Variants in ST8SIA5 observed in about 807,000 individuals in gnomAD.
ST8SIA5 encodes alpha-2,8-sialyltransferase 8E.
In ST8SIA5, 24 loss-of-function variants were observed where a neutral mutation model predicts 40.2. The ratio of observed to expected loss-of-function variants is 0.60; its 90% confidence interval spans 0.43 to 0.84. The LOEUF (loss-of-function observed/expected upper bound fraction) is 0.84, where lower values mean the gene tolerates loss of function less well. ST8SIA5 is among the 40% of genes least tolerant of loss of function. The pLI, the probability that ST8SIA5 is intolerant of heterozygous loss-of-function variation, is 0.00. For missense variants in ST8SIA5, 465 were observed against 498.5 expected, an observed-to-expected ratio of 0.93 and a Z score of 0.64; for synonymous variants, 198 against 201.8, an observed-to-expected ratio of 0.98 and a Z score of 0.16.
At chr18:46,695,963 C>A (rs1228538536) in intron 2 of ST8SIA5, among the ~76,000 whole-genome samples, 1 of 152,148 alleles carries the variant, frequency 6.6e-6, no homozygotes, top group African/African-American at 2.4e-5. Context: ...ATATATAATG[C>A]CTTGCCAGGA....
At chr18:46,716,977 G>A (rs2039798463) in intron 1 of ST8SIA5, among the ~76,000 whole-genome samples, 1 of 152,220 alleles carries the variant, frequency 6.6e-6, no homozygotes, top group African/African-American at 2.4e-5. Context: ...TGTGGCCATG[G>A]GCCAGGCTGA....
intron 1 of ST8SIA5, among the ~76,000 whole-genome samples, chr18:46,750,170 G>C (rs1390844138): frequency 1.3e-5 from 2 of 152,204 alleles, no homozygotes; most frequent in Non-Finnish European, 1.5e-5. Flanking sequence ...GACACGGGAA[G>C]ACATTCAAGG....
Position 46,694,523 on chromosome 18 carries a change from TG to T in ST8SIA5, c.225-2269del, listed in dbSNP as rs1942688991. Among the ~76,000 whole-genome samples the T allele has an allele frequency of 2.0e-5, 3 of 152,152 alleles. No individual in the cohort carries two copies. In the South Asian group the frequency reaches 6.2e-4, roughly 32 times the overall value. ...GTCCCCACTTTAGGGCCAGGCATTCTGTAGCTGTTTGGGGTCACCTGGCTGT... is the reference window on the plus strand; with the variant it reads ...GTCCCCACTTTAGGGCCAGGCATTCTTAGCTGTTTGGGGTCACCTGGCTGT... On this transcript the variant is annotated intron_variant, in intron 2 of 6. Coordinates refer to ENST00000315087, the MANE Select transcript of ST8SIA5 (RefSeq NM_013305.6).
At chr18:46,724,960 G>A (rs185705146) in intron 1 of ST8SIA5, among the ~76,000 whole-genome samples, 146 of 148,196 alleles carry the variant, frequency 9.9e-4, no homozygotes, top group African/African-American at 3.6e-3. Context: ...GGGTGACAGA[G>A]CAAGACGAAA....
chr18:46,678,426 G>C lies in ST8SIA5; in HGVS notation c.*1616C>G, dbSNP rs2039354758. The C allele has an allele frequency of 6.6e-6, 1 of 152,350 alleles. No individual in the cohort carries two copies. Among genetic ancestry groups the C allele is most frequent in the Non-Finnish European group, 1.5e-5 (1 of 68,176 alleles). 9.4% of individuals were successfully genotyped at this position (152,350 alleles called of 1,614,324 possible). On this transcript the variant is annotated 3_prime_UTR_variant, in exon 7 of 7. Coordinates refer to ENST00000315087, the MANE Select transcript of ST8SIA5 (RefSeq NM_013305.6). Reference sequence around the variant, plus strand: ...CCACGTCCCTGACTGGCTCAGCCGGGGGGCCTGTCAAATGAGGTGATTGGA... The same window carrying C: ...CCACGTCCCTGACTGGCTCAGCCGGCGGGCCTGTCAAATGAGGTGATTGGA...
chr18:46,745,010 A>AG (rs2040125424), intron 1 of ST8SIA5, among the ~76,000 whole-genome samples: 1 of 152,262 alleles, frequency 6.6e-6, no homozygotes, highest in East Asian at 1.9e-4. Context: ...ATGTTCTTTG[A>AG]AACCAATGAG....
chr18:46,685,314 G>T (rs1244256142), intron 5 of ST8SIA5, among the ~76,000 whole-genome samples: 1 of 152,188 alleles, frequency 6.6e-6, no homozygotes, highest in Non-Finnish European at 1.5e-5. Context: ...GAGGGCCAGA[G>T]ATTTCGGTGT....
At position 46,707,314 on chromosome 18, in the gene ST8SIA5, A is replaced by G. The variant is rs574551396; in HGVS notation, c.132-2650T>C. On this transcript the variant is annotated intron_variant, in intron 1 of 6. Transcript: ENST00000315087. ...TTATTGGGGAATTGGGGACTTGCAG[A>G]CACATCTCGGATATGGCTACAAACC... Among the ~76,000 whole-genome samples the G allele has an allele frequency of 7.2e-5, 11 of 152,322 alleles. No homozygotes were observed. The South Asian group carries it at 2.3e-3, about 32-fold the overall frequency.
chr18:46,717,559 C>A (rs1191150273), intron 1 of ST8SIA5, among the ~76,000 whole-genome samples: 1 of 152,122 alleles, frequency 6.6e-6, no homozygotes, highest in Non-Finnish European at 1.5e-5. Context: ...TTATACCTCA[C>A]CCCCACCAAC....
At chr18:46,732,537 C>G (rs1012839461) in intron 1 of ST8SIA5, among the ~76,000 whole-genome samples, 1 of 152,130 alleles carries the variant, frequency 6.6e-6, no homozygotes, top group South Asian at 2.1e-4. Flanking sequence ...ATTCCAGGGC[C>G]CTGCCTGTCA....
rs774982436 is a variant in ST8SIA5 at position 46,685,150 on chromosome 18, C to A, written c.569+1024G>T. Among the ~76,000 whole-genome samples, 17 of 152,300 alleles carry A rather than the reference C, an allele frequency of 1.1e-4. 1 individual carries two copies. The highest frequency in any genetic ancestry group is 3.4e-3 in the Middle Eastern group (1 of 294). On this transcript the variant is annotated intron_variant, in intron 5 of 6. Coordinates refer to ENST00000315087, the MANE Select transcript of ST8SIA5 (RefSeq NM_013305.6). ...AGGAAACCAAGGCCCAGAAGGGGGA[C>A]ATGACATTCCTGAGGTCATGTGCCT...
intron 2 of ST8SIA5, among the ~76,000 whole-genome samples, chr18:46,697,594 T>C (rs1229797399): frequency 6.6e-6 from 1 of 152,190 alleles, no homozygotes; most frequent in Non-Finnish European, 1.5e-5. Flanking sequence ...TAGTCCCAGC[T>C]ACTCAGGAGG....
intron 1 of ST8SIA5, among the ~76,000 whole-genome samples, chr18:46,726,321 A>G (rs1220016331): frequency 1.3e-5 from 2 of 152,096 alleles, no homozygotes; most frequent in African/African-American, 4.8e-5. Context: ...TTGCTGGGCC[A>G]AGTAACAGCA....
intron 4 of ST8SIA5, among the ~76,000 whole-genome samples, chr18:46,686,816 CAAA>C (rs752731256): frequency 6.6e-5 from 8 of 120,968 alleles, no homozygotes; most frequent in Admixed American, 1.7e-4. Context: ...CAGAGAAAGG[CAAA>C]AAAAAAAAAA....
intron 1 of ST8SIA5, among the ~76,000 whole-genome samples, chr18:46,705,611 C>G (rs2039662376): frequency 6.6e-6 from 1 of 152,212 alleles, no homozygotes; most frequent in Non-Finnish European, 1.5e-5. Flanking sequence ...CGGCTGGTGT[C>G]CCCTGGAAAG....
chr18:46,739,196 G>A (rs561069718), intron 1 of ST8SIA5, among the ~76,000 whole-genome samples: 3 of 152,136 alleles, frequency 2.0e-5, no homozygotes, highest in African/African-American at 4.8e-5. Context: ...ACAGCGGGTC[G>A]GAGGCAGCGT....
In ST8SIA5 at chr18:46,677,620, G is replaced by A. The variant is rs2039348506; in HGVS notation, c.*2422C>T. The A allele has an allele frequency of 6.6e-6, 1 of 152,178 alleles. No homozygotes were observed. The highest frequency in any genetic ancestry group is 1.5e-5 in the Non-Finnish European group (1 of 68,036). The allele number at this position is 152,178 out of a possible 1,614,324, so 9.4% of individuals were successfully genotyped here. A position where few individuals can be genotyped will look rare whatever the true frequency, so the allele number is the denominator to read the frequency against. ...AGGAAACTGAGACATTGAGGGAGAG[G>A]AAGGACTGGCCCTAAGACCCACAGG... is the stretch of plus-strand genomic sequence containing the variant. On this transcript the variant is annotated 3_prime_UTR_variant, in exon 7 of 7. Coordinates refer to ENST00000315087, the MANE Select transcript of ST8SIA5 (RefSeq NM_013305.6).
chr18:46,719,078 A>T (rs1272488536), intron 1 of ST8SIA5, among the ~76,000 whole-genome samples: 1 of 152,200 alleles, frequency 6.6e-6, no homozygotes, highest in Non-Finnish European at 1.5e-5. Context: ...GTCAACTAGA[A>T]ATAGAGATTT....
intron 1 of ST8SIA5, among the ~76,000 whole-genome samples, chr18:46,732,924 A>G (rs16940018): frequency 0.016 from 2,424 of 152,168 alleles, 68 homozygotes; most frequent in African/African-American, 0.055. Context: ...CCATGGCCCA[A>G]ACCAGGAAGC....
Sources: gnomAD v4.1 joint callset for allele counts (sites outside exome capture counted in the v4.1 genomes callset) on GRCh38, gnomAD v4.1.1 for gene constraint, MANE v1.5 for transcripts, NCBI Gene and HGNC (gene_info 2026-07-23, HGNC 2026-07-21) for gene names.